The following B4GALT6 variants were observed in gnomAD, a reference collection of about 807,000 sequenced individuals.
B4GALT6 encodes the protein beta-1,4-galactosyltransferase 6.
B4GALT6 carries 14 observed loss-of-function variants against 46.3 expected under a neutral mutation model. That is an observed-to-expected ratio of 0.30 (90% CI 0.20 to 0.47). B4GALT6 has a LOEUF of 0.47. B4GALT6 is among the 20% of genes least tolerant of loss of function. The pLI, the probability that B4GALT6 is intolerant of heterozygous loss-of-function variation, is 0.99. For synonymous variants in B4GALT6, 168 were observed against 162.0 expected, an observed-to-expected ratio of 1.04 and a Z score of -0.28; for missense variants, 386 against 480.1, an observed-to-expected ratio of 0.80 and a Z score of 1.83.
Position 31,630,909 on chromosome 18 carries a change from T to C in B4GALT6, c.776+50A>G, listed in dbSNP as rs569080540. 4.2e-5 allele frequency: 67 copies of C among 1,581,970 alleles called. No homozygotes were observed. In the East Asian group the frequency reaches 1.3e-3, roughly 30 times the overall value. On this transcript the variant is annotated intron_variant, in intron 6 of 8. Coordinates refer to ENST00000306851, the MANE Select transcript of B4GALT6 (RefSeq NM_004775.5). ...TAACGCTGCTACCATTTCAATGCTA[T>C]GACTGTGCAATTATATCGTACAATA...
intron 1 of B4GALT6, among the ~76,000 whole-genome samples, chr18:31,670,235 T>C (rs2144703215): frequency 6.6e-6 from 1 of 152,118 alleles, no homozygotes; most frequent in Non-Finnish European, 1.5e-5. Flanking sequence ...TTGTATTTTT[T>C]GTAGAGACAG....
the B4GALT6 span, among the ~76,000 whole-genome samples, chr18:31,706,274 CAT>C: frequency 4.1e-4 from 63 of 152,044 alleles, no homozygotes; most frequent in South Asian, 3.5e-3. Context: ...ATATATATTA[CAT>C]ATGTGTGTAT....
chr18:31,684,361 G>C lies in B4GALT6; in HGVS notation c.66C>G (p.Phe22Leu). The C allele has an allele frequency of 1.2e-6, 2 of 1,613,462 alleles. No individual in the cohort carries two copies. Among genetic ancestry groups the C allele is most frequent in the Non-Finnish European group, 1.7e-6 (2 of 1,179,612 alleles). Residue 22 changes from phenylalanine to leucine, a missense_variant, in exon 1 of 9, where the codon TTC (phenylalanine) becomes TTG (leucine). Phe to Leu is a conservative substitution (Grantham distance 22, BLOSUM62 0). This residue lies in a region of B4GALT6 where 63 missense variants were observed against 41.3 expected (regional missense o/e 1.53). Transcript: ENST00000306851. ...AGTACAGACAGGACGAAGAGAGGGA[G>C]AAGAAGAAGATGAAGGCGAGGAGAG... ...NRSLLAFIFF[F>L]SLSSSCLYFI...
At chr18:31,651,984 A>G (rs1385301751) in intron 3 of B4GALT6, among the ~76,000 whole-genome samples, 1 of 152,012 alleles carries the variant, frequency 6.6e-6, no homozygotes, top group African/African-American at 2.4e-5. Context: ...GTTAGCCAGG[A>G]TGGTCTCGAT....
the B4GALT6 span, among the ~76,000 whole-genome samples, chr18:31,696,095 G>A: frequency 6.6e-6 from 1 of 152,080 alleles, no homozygotes; most frequent in East Asian, 1.9e-4. Context: ...GAGTTAGAAG[G>A]GTTCACAAAA....
chr18:31,627,170 C>G, intron 6 of B4GALT6, 49 bp from the exon 7 acceptor site: 1 of 1,531,706 alleles, frequency 6.5e-7, no homozygotes, highest in Non-Finnish European at 8.8e-7. Context: ...TAATAATTTC[C>G]CATGTGAAAT....
the B4GALT6 span, among the ~76,000 whole-genome samples, chr18:31,709,240 T>A: frequency 7.2e-5 from 11 of 151,996 alleles, no homozygotes; most frequent in African/African-American, 2.7e-4. Flanking sequence ...ATTTTTTTTT[T>A]ATTTTTTAGA....
intron 1 of B4GALT6, among the ~76,000 whole-genome samples, chr18:31,666,855 T>G (rs575687913): frequency 3.6e-4 from 55 of 152,288 alleles, no homozygotes; most frequent in Middle Eastern, 3.4e-3. Context: ...ATTCTTGATG[T>G]GTTTGCGGGG....
At chr18:31,710,533 T>C in the B4GALT6 span, among the ~76,000 whole-genome samples, 4 of 152,112 alleles carry the variant, frequency 2.6e-5, no homozygotes, top group Admixed American at 6.5e-5. Context: ...GATTGGATGA[T>C]GCACTACAAG....
Position 31,666,268 on chromosome 18 carries a change from G to A in B4GALT6, c.220C>T (p.Leu74Phe), listed in dbSNP as rs372526381. Residue 74 changes from leucine to phenylalanine, a missense_variant, in exon 2 of 9, where the codon CTC (leucine) becomes TTC (phenylalanine). Leu to Phe is a conservative substitution (Grantham distance 22). Coordinates refer to ENST00000306851, the MANE Select transcript of B4GALT6 (RefSeq NM_004775.5). Reference protein sequence around the residue: ...IRLYTNKNSTLNGTDYPEGNN... With the variant: ...IRLYTNKNSTFNGTDYPEGNN... Reference sequence around the variant, plus strand: ...GAAGTAGTCTTACCTGTACCGTTGAGCGTACTGTTTTTATTTGTGTACAGC... The same window carrying A: ...GAAGTAGTCTTACCTGTACCGTTGAACGTACTGTTTTTATTTGTGTACAGC... The A allele has an allele frequency of 2.8e-5, 45 of 1,590,786 alleles. No homozygotes were observed. The highest frequency in any genetic ancestry group is 5.1e-5 in the Admixed American group (3 of 58,402).
At chr18:31,700,428 T>C in the B4GALT6 span, among the ~76,000 whole-genome samples, 1 of 137,682 alleles carries the variant, frequency 7.3e-6, no homozygotes, top group South Asian at 2.6e-4. Flanking sequence ...TTTATAAAAT[T>C]GACTATTTGT....
chr18:31,684,093 T>C (rs1474867230), intron 1 of B4GALT6, among the ~76,000 whole-genome samples: 2 of 152,126 alleles, frequency 1.3e-5, no homozygotes, highest in African/African-American at 2.4e-5. Flanking sequence ...TTTTACGTTA[T>C]TAACAAACAT....
At chr18:31,686,466 A>C (rs1156355902), upstream of B4GALT6, 2 of 152,210 alleles carry the variant, frequency 1.3e-5, no homozygotes, top group Non-Finnish European at 2.9e-5. Context: ...TAAATGGATA[A>C]CTGTGCATAA....
chr18:31,655,392 G>C (rs766985682), intron 3 of B4GALT6, among the ~76,000 whole-genome samples: 14 of 152,234 alleles, frequency 9.2e-5, no homozygotes, highest in Non-Finnish European at 1.5e-4. Flanking sequence ...GGCCACACTA[G>C]TGTGATCCTC....
At chr18:31,671,106 A>G (rs994428864) in intron 1 of B4GALT6, among the ~76,000 whole-genome samples, 1 of 152,088 alleles carries the variant, frequency 6.6e-6, no homozygotes, top group African/African-American at 2.4e-5. Context: ...GCATAATTCC[A>G]TGGTGTGTAT....
intron 2 of B4GALT6, among the ~76,000 whole-genome samples, chr18:31,665,629 C>T (rs1388220065): frequency 6.6e-6 from 1 of 152,114 alleles, no homozygotes; most frequent in Non-Finnish European, 1.5e-5. Flanking sequence ...GTAATCCCAG[C>T]TACTTGGGAG....
chr18:31,697,726 T>G, the B4GALT6 span, among the ~76,000 whole-genome samples: 2 of 152,176 alleles, frequency 1.3e-5, no homozygotes, highest in Admixed American at 6.5e-5. Context: ...AAAATGGAGT[T>G]AGTCACGCTA....
chr18:31,723,262 AT>A, the B4GALT6 span, among the ~76,000 whole-genome samples: 1 of 152,166 alleles, frequency 6.6e-6, no homozygotes, highest in Non-Finnish European at 1.5e-5. Flanking sequence ...ATCCCATGAA[AT>A]CCTCAAACAA....
rs76858277 is a variant in B4GALT6, at chr18:31,630,292, C to A, written c.776+667G>T. Among the ~76,000 whole-genome samples the A allele has an allele frequency of 3.5e-3, 538 of 152,236 alleles. 3 individuals carry two copies. Among genetic ancestry groups the A allele is most frequent in the African/African-American group, 0.013 (521 of 41,538 alleles). On this transcript the variant is annotated intron_variant, in intron 6 of 8. Transcript: ENST00000306851. ...GATTTTCTCTCTACTCCCATTAGGC[C>A]AATGAAAACTGTGATCCTTTTCCCA...
Sources: allele counts gnomAD v4.1 joint callset (sites outside exome capture counted in the v4.1 genomes callset), GRCh38; gene constraint gnomAD v4.1.1; regional missense constraint gnomAD v4.1.1; transcripts MANE v1.5; gene names NCBI Gene and HGNC (gene_info 2026-07-23, HGNC 2026-07-21).